PREP: variants seen among roughly 807,000 people sequenced by gnomAD.
PREP encodes the protein prolyl endopeptidase.
A neutral mutation model predicts 87.6 loss-of-function variants in PREP; 29 were observed. The ratio of observed to expected loss-of-function variants is 0.33; its 90% CI spans 0.25 to 0.45. The LOEUF is 0.45. Among genes scored for constraint, PREP ranks in the 20% least tolerant of loss-of-function variants. The pLI is 1.00. For missense variants in PREP, 695 were observed against 886.5 expected (o/e 0.78, Z 2.74); for synonymous variants, 337 against 328.6 (o/e 1.03, Z -0.28).
intron 7 of PREP, among the ~76,000 whole-genome samples, chr6:105,352,088 A>C (rs1771971761): frequency 6.6e-6 from 1 of 152,228 alleles, no homozygotes; most frequent in Non-Finnish European, 1.5e-5. Flanking sequence ...TGAGGTAAAT[A>C]CATTATTACA....
At chr6:105,305,903 C>T (rs1195013970) in intron 10 of PREP, among the ~76,000 whole-genome samples, 1 of 151,568 alleles carries the variant, frequency 6.6e-6, no homozygotes, top group South Asian at 2.1e-4. Context: ...TACAGTGGTA[C>T]AATCATAGCT....
At chr6:105,281,463 C>T (rs1438040216) in intron 14 of PREP, 1 of 277,996 alleles carries the variant, frequency 3.6e-6, no homozygotes. Flanking sequence ...ATCCTGCTCC[C>T]TGACAGCAAG....
chr6:105,316,664 C>T (rs1770877630), intron 10 of PREP, among the ~76,000 whole-genome samples: 1 of 151,996 alleles, frequency 6.6e-6, no homozygotes, highest in Admixed American at 6.5e-5. Flanking sequence ...ATGGAAAAGG[C>T]AGTAAAATCT....
chr6:105,373,415 C>G lies in PREP; in HGVS notation c.549G>C (p.Lys183Asn), dbSNP rs1385105865. The G allele has an allele frequency of 6.2e-7, 1 of 1,614,208 alleles. No individual in the cohort carries two copies. The highest frequency in any genetic ancestry group is 1.1e-5 in the South Asian group (1 of 91,082). The stretch of plus-strand genomic sequence containing the variant: ...GAGGGTATGAGTTGTAGAACATTCC[C>G]TTCCCATCATGGGTCCAGGCCATAC... Reference protein sequence around the residue: ...FSCMAWTHDGKGMFYNSYPQQ... With the variant: ...FSCMAWTHDGNGMFYNSYPQQ... Residue 183 changes from lysine (K) to asparagine (N), a missense_variant, in exon 5 of 15, where the codon AAG (lysine) becomes AAC (asparagine). Coordinates refer to ENST00000652536, the MANE Select transcript of PREP (RefSeq NM_002726.5).
chr6:105,284,843 T>C (rs1239904099), intron 12 of PREP, among the ~76,000 whole-genome samples: 7 of 152,130 alleles, frequency 4.6e-5, no homozygotes, highest in Admixed American at 4.6e-4. Flanking sequence ...GGGTATAAAG[T>C]TGGGTATTAG....
chr6:105,290,509 T>A (rs1770279162), intron 10 of PREP, among the ~76,000 whole-genome samples: 1 of 152,226 alleles, frequency 6.6e-6, no homozygotes, highest in Admixed American at 6.5e-5. Flanking sequence ...CTCCCCAGGC[T>A]GACCCCTCCT....
chr6:105,301,961 C>T (rs1305188030), intron 10 of PREP, among the ~76,000 whole-genome samples: 3 of 152,194 alleles, frequency 2.0e-5, no homozygotes, highest in Non-Finnish European at 4.4e-5. Context: ...GGAGGCACAG[C>T]TGGATCTCGT....
chr6:105,387,413 C>T (rs1773026663), intron 2 of PREP, among the ~76,000 whole-genome samples: 1 of 151,962 alleles, frequency 6.6e-6, no homozygotes, highest in East Asian at 1.9e-4. Context: ...TATACAAGTA[C>T]TTGAAACAAT....
At chr6:105,398,932 A>C (rs762203385) in intron 1 of PREP, among the ~76,000 whole-genome samples, 2 of 151,990 alleles carry the variant, frequency 1.3e-5, no homozygotes, top group Non-Finnish European at 2.9e-5. Context: ...ACATGCTGAA[A>C]TCCTGTCTCT....
At chr6:105,327,609 T>C (rs1771200969) in intron 9 of PREP, among the ~76,000 whole-genome samples, 1 of 152,236 alleles carries the variant, frequency 6.6e-6, no homozygotes, top group Non-Finnish European at 1.5e-5. Flanking sequence ...GAGACATCAC[T>C]GTCAACTGGC....
chr6:105,343,399 T>G (rs1380715024), intron 7 of PREP, among the ~76,000 whole-genome samples: 1 of 152,200 alleles, frequency 6.6e-6, no homozygotes, highest in Non-Finnish European at 1.5e-5. Context: ...AAGACTTAAA[T>G]GTTAGACCAA....
chr6:105,320,569 C>T, intron 10 of PREP, among the ~76,000 whole-genome samples: 1 of 152,186 alleles, frequency 6.6e-6, no homozygotes, highest in East Asian at 1.9e-4. Context: ...AGCTACACCA[C>T]CAGGTAGGCA....
chr6:105,346,793 C>A (rs756900057), intron 7 of PREP, among the ~76,000 whole-genome samples: 58 of 152,328 alleles, frequency 3.8e-4, no homozygotes, highest in Admixed American at 5.9e-4. Context: ...TATTAAAAAT[C>A]TCTGATATAA....
intron 7 of PREP, among the ~76,000 whole-genome samples, chr6:105,346,227 T>C (rs1379536760): frequency 6.6e-6 from 1 of 152,166 alleles, no homozygotes; most frequent in Non-Finnish European, 1.5e-5. Flanking sequence ...CTCGAATGTT[T>C]ATCTCCCCTT....
intron 10 of PREP, among the ~76,000 whole-genome samples, chr6:105,312,627 T>C (rs912433951): frequency 1.3e-5 from 2 of 152,208 alleles, no homozygotes; most frequent in African/African-American, 4.8e-5. Flanking sequence ...ACGAAGAACA[T>C]GAGCACACAT....
chr6:105,367,541 G>A (rs1406091721), intron 6 of PREP, among the ~76,000 whole-genome samples: 3 of 151,566 alleles, frequency 2.0e-5, no homozygotes, highest in African/African-American at 4.8e-5. Context: ...GCGTAGTGGC[G>A]GGCGCCTGTA....
intron 11 of PREP, among the ~76,000 whole-genome samples, chr6:105,286,510 C>G (rs911728685): frequency 1.3e-5 from 2 of 152,138 alleles, no homozygotes; most frequent in African/African-American, 4.8e-5. Context: ...TTGTTTCCCC[C>G]TTCTCTTTCC....
chr6:105,353,175 A>G (rs1772003043), intron 6 of PREP, 98 bp from the exon 7 acceptor site: 3 of 958,566 alleles, frequency 3.1e-6, no homozygotes, highest in Non-Finnish European at 3.1e-6. Flanking sequence ...TTAATTTTCA[A>G]AGGCAGTGTC....
intron 2 of PREP, 89 bp from the exon 3 acceptor site, chr6:105,377,608 A>C: frequency 7.1e-7 from 1 of 1,402,086 alleles, no homozygotes. Context: ...GAAAAAGCAC[A>C]CTTTGTCTCT....
Sources: allele counts gnomAD v4.1 joint callset (sites outside exome capture counted in the v4.1 genomes callset), GRCh38; gene constraint gnomAD v4.1.1; transcripts MANE v1.5; gene names NCBI Gene and HGNC (gene_info 2026-07-23, HGNC 2026-07-21).